DACH2: variants seen among roughly 807,000 people sequenced by gnomAD.
DACH2 encodes the protein dachshund family transcription factor 2, also known as dachshund homolog 2.
A neutral mutation model predicts 35.8 loss-of-function variants in DACH2; 17 were observed. That is an observed-to-expected ratio of 0.48 (90% CI 0.33 to 0.71). The LOEUF is 0.71. DACH2 is among the 30% of genes least tolerant of loss of function. DACH2 has a pLI of 0.02. For synonymous variants in DACH2, 195 were observed against 177.3 expected (o/e 1.10, Z -0.79); for missense variants, 469 against 472.7 (o/e 0.99, Z 0.07).
rs946618549 is a variant in DACH2, at chrX:86,303,350, A to G, written c.489-73474A>G. ...ACATTCTTTTTGCGTTCACTTTTTG[A>G]CCACAGAGCTTTCCGTTTCCATTTG... On this transcript the variant is annotated intron_variant, in intron 1 of 11. Coordinates refer to ENST00000373125, the MANE Select transcript of DACH2 (RefSeq NM_053281.3). Among the ~76,000 whole-genome samples the G allele has an allele frequency of 1.3e-4, 14 of 109,958 alleles. No homozygotes were observed. The East Asian group carries it at 4.0e-3, about 31-fold the overall frequency.
At chrX:86,474,746 G>T (rs1346211119) in intron 2 of DACH2, among the ~76,000 whole-genome samples, 3 of 111,196 alleles carry the variant, frequency 2.7e-5, no homozygotes, top group African/African-American at 9.8e-5. Context: ...TTTTGTTTTT[G>T]TTTTGAGATG....
intron 7 of DACH2, among the ~76,000 whole-genome samples, chrX:86,748,539 G>T (rs5923626): frequency 0.14 from 15,493 of 111,140 alleles, 1,085 homozygotes; most frequent in Middle Eastern, 0.27. Context: ...TTTTCTTTTT[G>T]AGCCATAGGT....
intron 1 of DACH2, among the ~76,000 whole-genome samples, chrX:86,375,324 A>G (rs1482486140): frequency 2.9e-5 from 3 of 102,433 alleles, no homozygotes; most frequent in African/African-American, 1.0e-4. Flanking sequence ...GAGGATTAGT[A>G]TAATTATATA....
intron 7 of DACH2, among the ~76,000 whole-genome samples, chrX:86,754,901 T>C (rs2041811736): frequency 8.9e-6 from 1 of 111,938 alleles, no homozygotes; most frequent in Admixed American, 9.5e-5. Context: ...GAGTTGTAGT[T>C]ATTTGTTTGG....
In DACH2 at chrX:86,393,212, C is replaced by T. The variant is rs753023267; in HGVS notation, c.527+16350C>T. Among the ~76,000 whole-genome samples the T allele has an allele frequency of 5.4e-5, 6 of 111,337 alleles. No individual in the cohort carries two copies. The East Asian group carries it at 1.1e-3, about 21-fold the overall frequency. On this transcript the variant is annotated intron_variant, in intron 2 of 11. Coordinates refer to ENST00000373125, the MANE Select transcript of DACH2 (RefSeq NM_053281.3). Reference sequence around the variant, plus strand: ...TGTCCTTGAACATTCCATTTTCTCTCTCACATTCAGAATTTCACATATGCT... The same window carrying T: ...TGTCCTTGAACATTCCATTTTCTCTTTCACATTCAGAATTTCACATATGCT...
chrX:86,720,371 A>G (rs1173595418), intron 6 of DACH2, among the ~76,000 whole-genome samples: 1 of 111,824 alleles, frequency 8.9e-6, no homozygotes, highest in African/African-American at 3.3e-5. Flanking sequence ...GTTACTTCCT[A>G]AATATAATGG....
chrX:86,286,601 T>TTA (rs1372934197), intron 1 of DACH2, among the ~76,000 whole-genome samples: 1 of 111,155 alleles, frequency 9.0e-6, no homozygotes, highest in Admixed American at 9.6e-5. Flanking sequence ...GTTTCTTGCT[T>TTA]TATATATATA....
intron 1 of DACH2, among the ~76,000 whole-genome samples, chrX:86,316,124 TG>T (rs1296532532): frequency 9.5e-5 from 7 of 73,902 alleles, no homozygotes; most frequent in Non-Finnish European, 2.1e-4. Context: ...GTTTTTTGTT[TG>T]TTTGTATTTT....
chrX:86,318,126 C>G (rs1351937226), intron 1 of DACH2, among the ~76,000 whole-genome samples: 1 of 112,061 alleles, frequency 8.9e-6, no homozygotes, highest in Non-Finnish European at 1.9e-5. Flanking sequence ...CTAGAGGAAC[C>G]AGGCAGAGCA....
At chrX:86,482,336 A>AAAT (rs1251466270) in intron 2 of DACH2, among the ~76,000 whole-genome samples, 1 of 112,325 alleles carries the variant, frequency 8.9e-6, no homozygotes, top group African/African-American at 3.2e-5. Context: ...AAATACATAA[A>AAAT]AATAAATTCT....
intron 2 of DACH2, among the ~76,000 whole-genome samples, chrX:86,454,626 C>T (rs1229361967): frequency 4.5e-5 from 5 of 111,963 alleles, no homozygotes; most frequent in South Asian, 3.7e-4. Context: ...CTATCAGGGC[C>T]GGTTATATTC....
chrX:86,229,101 T>A (rs551474239), intron 1 of DACH2, among the ~76,000 whole-genome samples: 1 of 111,980 alleles, frequency 8.9e-6, no homozygotes, highest in African/African-American at 3.2e-5. Context: ...CAGTTTTAGG[T>A]CTTAGGTTTA....
At chrX:86,437,205 T>C (rs1205612808) in intron 2 of DACH2, among the ~76,000 whole-genome samples, 10 of 111,586 alleles carry the variant, frequency 9.0e-5, no homozygotes, top group Non-Finnish European at 1.9e-4. Flanking sequence ...ACATATTATA[T>C]TTTGTTACAT....
chrX:86,171,921 G>T (rs780141018), intron 1 of DACH2, among the ~76,000 whole-genome samples: 2 of 111,426 alleles, frequency 1.8e-5, no homozygotes, highest in Non-Finnish European at 3.8e-5. Flanking sequence ...TGAGAATGAG[G>T]TTTTTTTAAA....
chrX:86,750,560 G>A (rs1391905304), intron 7 of DACH2, among the ~76,000 whole-genome samples: 5 of 111,641 alleles, frequency 4.5e-5, no homozygotes, highest in African/African-American at 1.6e-4. Flanking sequence ...TTGCATAACT[G>A]AAACTTTAAA....
intron 2 of DACH2, among the ~76,000 whole-genome samples, chrX:86,442,501 T>A (rs1440703958): frequency 2.8e-5 from 3 of 108,774 alleles, no homozygotes; most frequent in Non-Finnish European, 3.8e-5. Flanking sequence ...TTGTAGGTTG[T>A]CTTTTCATTG....
At chrX:86,725,208 T>C (rs946137612) in intron 6 of DACH2, among the ~76,000 whole-genome samples, 1 of 111,545 alleles carries the variant, frequency 9.0e-6, no homozygotes, top group Non-Finnish European at 1.9e-5. Context: ...TCATTTCTTT[T>C]CCTGAACAAT....
intron 2 of DACH2, among the ~76,000 whole-genome samples, chrX:86,464,868 A>G (rs941349521): frequency 1.8e-5 from 2 of 111,553 alleles, no homozygotes; most frequent in Non-Finnish European, 3.8e-5. Context: ...TACTATTAAG[A>G]AAAGAACATA....
Position 86,667,499 on chromosome X carries a change from GAGAAAGAAAGAAAGAA to G in DACH2, c.772+16365_772+16380del, listed in dbSNP as rs199901080. Among the ~76,000 whole-genome samples, 354 of 42,186 alleles carry G rather than the reference GAGAAAGAAAGAAAGAA, an allele frequency of 8.4e-3. 5 individuals are homozygous for G. Among genetic ancestry groups the G allele is most frequent in the East Asian group, 0.04 (45 of 1,115 alleles). The allele number at this position is 42,186 out of a possible 115,157, so 36.6% of individuals were successfully genotyped here. On this transcript the variant is annotated intron_variant, in intron 4 of 11. Transcript: ENST00000373125. ...AGAAAGAAGGAAGGAAAGAAAGAAA[GAGAAAGAAAGAAAGAA>G]AGAAAGAAAGAAAGAAAGAAAGAAA...
Sources: allele counts gnomAD v4.1 joint callset (sites outside exome capture counted in the v4.1 genomes callset), GRCh38; gene constraint gnomAD v4.1.1; transcripts MANE v1.5; gene names NCBI Gene and HGNC (gene_info 2026-07-23, HGNC 2026-07-21).